Variants in TFPT observed in about 807,000 individuals in gnomAD.
The protein encoded by TFPT is INO80 complex subunit F.
TFPT carries 27 observed loss-of-function variants against 28.8 expected under a neutral mutation model. The observed-to-expected ratio is 0.94, with a 90% CI of 0.69 to 1.29. The LOEUF is 1.29. Among genes scored for constraint, TFPT ranks in the 50% most tolerant of loss-of-function variants. TFPT has a pLI of 0.00. For synonymous variants in TFPT, 152 were observed against 142.8 expected, an observed-to-expected ratio of 1.06 and a Z score of -0.46; for missense variants, 330 against 338.0, an observed-to-expected ratio of 0.98 and a Z score of 0.19.
intron 3 of TFPT, chr19:54,108,846 C>T: frequency 2.3e-6 from 1 of 441,380 alleles, no homozygotes. Flanking sequence ...TCCAGAGTTC[C>T]TTAAGGTTCA....
chr19:54,114,669 A>C lies in TFPT; in HGVS notation c.55T>G (p.Ser19Ala). The C allele has an allele frequency of 6.2e-7, 1 of 1,613,798 alleles. No individual in the cohort carries two copies. Among genetic ancestry groups the C allele is most frequent in the Non-Finnish European group, 8.5e-7 (1 of 1,180,010 alleles). ...TMAAVGFEEF[S>A]APPGSELALP... The stretch of plus-strand genomic sequence containing the variant: ...GCCAACTCTGAGCCTGGCGGCGCTG[A>C]GAACTCCTCAAAGCCCACGGCTGCC... Residue 19 changes from serine to alanine, a missense_variant, in exon 2 of 6, where the codon TCA becomes GCA. By Grantham distance (99) the Ser-to-Ala change is moderately conservative. Transcript: ENST00000391759.
rs621149 is a variant in TFPT, at chr19:54,107,977, G to A, written c.642+49C>T. ...GTCCCCCCTCCTTACCTGCACTGGC[G>A]CCGGCTCTGGAGCCCCAGTCCCTCC... On this transcript the variant is annotated intron_variant, in intron 5 of 5. Coordinates refer to ENST00000391759, the MANE Select transcript of TFPT (RefSeq NM_013342.4). The A allele has an allele frequency of 3.4e-3, 5,124 of 1,495,312 alleles. 139 individuals are homozygous for A. In the African/African-American group the frequency reaches 0.059, roughly 17 times the overall value. 92.6% of individuals were successfully genotyped at this position (1,495,312 alleles called of 1,614,324 possible). A position where few individuals can be genotyped will look rare whatever the true frequency, so the allele number is the denominator to read the frequency against.
chr19:54,107,962 C>T (rs1462024780), intron 5 of TFPT, 64 bp downstream of exon 5: 2 of 1,486,472 alleles, frequency 1.3e-6, no homozygotes, highest in East Asian at 4.6e-5. Flanking sequence ...GTCCCCCCTC[C>T]TTACCTGCAC....
intron 1 of TFPT, 118 bp downstream of exon 1, chr19:54,115,129 C>A: frequency 1.4e-6 from 2 of 1,467,658 alleles, no homozygotes; most frequent in East Asian, 2.3e-5. Flanking sequence ...TAAGGTAAAG[C>A]AGTTGCATGA....
At chr19:54,108,439 G>C (rs59415146) in intron 3 of TFPT, 44 bp from the exon 4 acceptor site, 44 of 1,613,884 alleles carry the variant, frequency 2.7e-5, no homozygotes, top group Non-Finnish European at 3.6e-5. Flanking sequence ...TTATCTCCTA[G>C]CGGCTGGGGA....
Position 54,110,051 on chromosome 19 carries a change from C to A in TFPT, c.353G>T (p.Arg118Met). Residue 118 changes from arginine (R) to methionine (M), a missense_variant and splice_region_variant, in exon 3 of 6, where the codon AGG becomes ATG. By Grantham distance (91) the Arg-to-Met change is moderately conservative. Coordinates refer to ENST00000391759, the MANE Select transcript of TFPT (RefSeq NM_013342.4). ...CCAGAGGGGACAGAGAAGGGGTTAC[C>A]TCCGTTCCTGCTGCAGCCTCCGAGT... is the stretch of plus-strand genomic sequence containing the variant. ...RITRRLQQERRFLMRVLDSYG... is the reference protein window; with the variant it reads ...RITRRLQQERMFLMRVLDSYG... The A allele has an allele frequency of 6.2e-7, 1 of 1,614,092 alleles. No individual in the cohort carries two copies. The highest frequency in any genetic ancestry group is 1.1e-5 in the South Asian group (1 of 91,084).
rs1293444922 is a variant in TFPT at position 54,110,093 on chromosome 19, T to C, written c.311A>G (p.His104Arg). The change falls in exon 3 of 6, where the codon CAT becomes CGT. Residue 104 changes from histidine (H) to arginine (R), a missense_variant. By Grantham distance (29) the His-to-Arg change is conservative (BLOSUM62 0). Coordinates refer to ENST00000391759, the MANE Select transcript of TFPT (RefSeq NM_013342.4). ...CCTCCGAGTTATCCTCTGCACCTGA[T>C]GGAGCCTGTTCAGGACCCGCTCGTT... ...QVNERVLNRL[H>R]QVQRITRRLQ... The C allele has an allele frequency of 6.2e-7, 1 of 1,614,184 alleles. No homozygotes were observed.
intron 2 of TFPT, among the ~76,000 whole-genome samples, chr19:54,111,999 T>C (rs759671490): frequency 2.0e-5 from 3 of 151,384 alleles, no homozygotes; most frequent in Non-Finnish European, 4.4e-5. Flanking sequence ...GAGTTCAAGT[T>C]TTGGCTCTGG....
chr19:54,115,265 T>C lies in TFPT; in HGVS notation c.5A>G (p.Glu2Gly). Reference sequence around the variant, plus strand: ...CACATACCCTTCTCTCTGCTCCAATTCCATCTCCGCGACCTCCGGAAGCCC... The same window carrying C: ...CACATACCCTTCTCTCTGCTCCAATCCCATCTCCGCGACCTCCGGAAGCCC... M[E>G]LEQREGTMAA... The change falls in exon 1 of 6, where the codon GAA becomes GGA. Residue 2 changes from glutamate (E) to glycine (G), a missense_variant. Transcript: ENST00000391759. 6.2e-7 allele frequency: 1 copy of C among 1,614,052 alleles called. No individual in the cohort carries two copies.
chr19:54,110,500 G>A (rs1240834711), intron 2 of TFPT, among the ~76,000 whole-genome samples: 1 of 152,190 alleles, frequency 6.6e-6, no homozygotes, highest in African/African-American at 2.4e-5. Flanking sequence ...GCCGAGGCGA[G>A]TAGATCCCCT....
At chr19:54,107,201 GC>G in intron 5 of TFPT, 32 bp from the exon 6 acceptor site, 1 of 1,582,840 alleles carries the variant, frequency 6.3e-7, no homozygotes, top group African/African-American at 1.4e-5. Flanking sequence ...GTGTTAACAG[GC>G]CTGGGAATCT....
At chr19:54,110,492 C>T (rs587611379) in intron 2 of TFPT, among the ~76,000 whole-genome samples, 2 of 152,096 alleles carry the variant, frequency 1.3e-5, no homozygotes, top group Admixed American at 6.6e-5. Flanking sequence ...TTTGGGAGGC[C>T]GAGGCGAGTA....
Position 54,108,330 on chromosome 19 carries a change from A to G in TFPT, c.419T>C (p.Leu140Pro), listed in dbSNP as rs1277243567. 1 of 1,604,344 alleles carries G rather than the reference A, an allele frequency of 6.2e-7. No individual in the cohort carries two copies. The highest frequency in any genetic ancestry group is 1.3e-5 in the African/African-American group (1 of 74,790). ...DYRASQFTIVLEDEGSQGTDA... is the reference protein window; with the variant it reads ...DYRASQFTIVPEDEGSQGTDA... Reference sequence around the variant, plus strand: ...TCCTGGAGGCCCAACACTCACCTCCAGCACAATGGTGAACTGGCTGGCCCG... The same window carrying G: ...TCCTGGAGGCCCAACACTCACCTCCGGCACAATGGTGAACTGGCTGGCCCG... Residue 140 changes from leucine (L) to proline (P), a missense_variant, in exon 4 of 6, where the codon CTG (leucine) becomes CCG (proline). Leu to Pro is a moderately conservative substitution (Grantham distance 98, BLOSUM62 -3). Coordinates refer to ENST00000391759, the MANE Select transcript of TFPT (RefSeq NM_013342.4).
rs2073547516 is a variant in TFPT at position 54,114,331 on chromosome 19, CTG to C, written c.282+109_282+110del. 1.7e-5 allele frequency: 25 copies of C among 1,475,276 alleles called. No individual in the cohort carries two copies. The South Asian group carries it at 3.3e-4, about 19-fold the overall frequency. The allele number at this position is 1,475,276 out of a possible 1,614,324, so 91.4% of individuals were successfully genotyped here. On this transcript the variant is annotated intron_variant, in intron 2 of 5. Transcript: ENST00000391759. ...ATGACTGAATATATAAGCTAAATGA[CTG>C]AATATATCAGCAAGCCAAGAAAGGC... is the stretch of plus-strand genomic sequence containing the variant.
At chr19:54,114,133 C>CCTGG (rs141894561) in intron 2 of TFPT, among the ~76,000 whole-genome samples, 131 of 152,214 alleles carry the variant, frequency 8.6e-4, no homozygotes, top group East Asian at 5.0e-3. Flanking sequence ...AGGAGTGAAT[C>CCTGG]CTGGCAGGGG....
rs1300696950 is a variant in TFPT, at chr19:54,108,056, A to C, written c.612T>G (p.Asn204Lys). Residue 204 changes from asparagine to lysine, a missense_variant, in exon 5 of 6, where the codon AAT (asparagine) becomes AAG (lysine). Transcript: ENST00000391759. ...RVPRDGRRAG[N>K]ALTPELAPVQ... ...CCGGGGCCAGCTCTGGAGTCAGCGC[A>C]TTTCCTGCTCGGCGTCCATCCCGTG... is the stretch of plus-strand genomic sequence containing the variant. 6.5e-6 allele frequency: 10 copies of C among 1,537,346 alleles called. No homozygotes were observed. Among genetic ancestry groups the C allele is most frequent in the Non-Finnish European group, 8.7e-6 (10 of 1,143,500 alleles).
At chr19:54,107,910 C>T (rs146492865) in intron 5 of TFPT, 116 bp downstream of exon 5, 43 of 1,141,426 alleles carry the variant, frequency 3.8e-5, no homozygotes, top group Non-Finnish European at 4.9e-5. Context: ...AACCCAAGAG[C>T]CCTGAACCTA....
In TFPT at chr19:54,110,037, A is replaced by G. The variant is rs12609379; in HGVS notation, c.353+14T>C. 1,315,255 of 1,613,604 alleles carry G rather than the reference A, an allele frequency of 0.82. 536,809 individuals carry two copies. The highest frequency in any genetic ancestry group is 0.89 in the African/African-American group (66,551 of 74,942). ...TGAGGCTCACAGGCCCAGAGGGGAC[A>G]GAGAAGGGGTTACCTCCGTTCCTGC... On this transcript the variant is annotated intron_variant, in intron 3 of 5. Coordinates refer to ENST00000391759, the MANE Select transcript of TFPT (RefSeq NM_013342.4).
Position 54,108,380 on chromosome 19 carries a change from C to A in TFPT, c.369G>T (p.Val123=). 6.2e-7 allele frequency: 1 copy of A among 1,613,448 alleles called. No homozygotes were observed. Among genetic ancestry groups the A allele is most frequent in the Non-Finnish European group, 8.5e-7 (1 of 1,179,678 alleles). Residue 123 remains valine (V), a synonymous_variant, in exon 4 of 6, where the codon GTG becomes GTT. Coordinates refer to ENST00000391759, the MANE Select transcript of TFPT (RefSeq NM_013342.4). ...LQQERRFLMR[V]LDSYGDDYRA... ...GGTAGTCATCCCCGTAGGAGTCCAG[C>A]ACTCTCATGAGGAACCTGCTCAGGG...
Sources: allele counts gnomAD v4.1 joint callset (sites outside exome capture counted in the v4.1 genomes callset), GRCh38; gene constraint gnomAD v4.1.1; transcripts MANE v1.5; gene names NCBI Gene and HGNC (gene_info 2026-07-23, HGNC 2026-07-21).